The following TGFBR3 variants were observed in gnomAD, a reference collection of about 807,000 sequenced individuals.
The protein encoded by TGFBR3 is transforming growth factor beta receptor 3.
TGFBR3 carries 46 observed loss-of-function variants against 87.9 expected under a neutral mutation model. The ratio of observed to expected loss-of-function variants is 0.52; its 90% confidence interval spans 0.41 to 0.67. TGFBR3 has a LOEUF of 0.67. Ranked by LOEUF, TGFBR3 falls within the 30% of genes least tolerant of loss-of-function variation. The probability of loss-of-function intolerance (pLI) is 0.00; values close to 1 mark genes in which losing one functional copy is unlikely to be tolerated. For synonymous variants in TGFBR3, 381 were observed against 391.6 expected (o/e 0.97, Z 0.32); for missense variants, 866 against 1,041.9 (o/e 0.83, Z 2.32).
At chr1:91,883,912 TTAA>T (rs1194755741) in intron 1 of TGFBR3, among the ~76,000 whole-genome samples, 1 of 152,138 alleles carries the variant, frequency 6.6e-6, no homozygotes, top group African/African-American at 2.4e-5. Context: ...TTAATAGCCC[TTAA>T]GGGGGTAAGA....
rs78514752 is a variant in TGFBR3 at position 91,692,057 on chromosome 1, G to T, written c.2437+3615C>A. Among the ~76,000 whole-genome samples, 177 of 152,176 alleles carry T rather than the reference G, an allele frequency of 1.2e-3. 3 individuals carry two copies. The East Asian group carries it at 0.033, about 28-fold the overall frequency. ...AAGCTAATGGGGTAGGGTGGGGAAAGATAATAATTAATTCTAGGGAAAATT... is the reference window on the plus strand; with the variant it reads ...AAGCTAATGGGGTAGGGTGGGGAAATATAATAATTAATTCTAGGGAAAATT... On this transcript the variant is annotated intron_variant, in intron 16 of 16. Coordinates refer to ENST00000212355, the MANE Select transcript of TGFBR3 (RefSeq NM_003243.5).
At chr1:91,793,190 T>C (rs1217272548) in intron 3 of TGFBR3, among the ~76,000 whole-genome samples, 7 of 148,534 alleles carry the variant, frequency 4.7e-5, no homozygotes, top group Non-Finnish European at 9.0e-5. Flanking sequence ...GTAGGCTCTG[T>C]CACCGCCTCT....
chr1:91,817,766 T>G (rs1676286538), intron 2 of TGFBR3, among the ~76,000 whole-genome samples: 3 of 152,020 alleles, frequency 2.0e-5, no homozygotes, highest in Admixed American at 2.0e-4. Flanking sequence ...CTGTGCTTTC[T>G]GGAATAAGGC....
At chr1:91,900,724 C>T (rs1679695189) in intron 1 of TGFBR3, among the ~76,000 whole-genome samples, 1 of 152,208 alleles carries the variant, frequency 6.6e-6, no homozygotes, top group South Asian at 2.1e-4. Context: ...AACATTAATA[C>T]TCTCTGGAAA....
chr1:91,841,793 CAAAAAA>C (rs57953815), intron 2 of TGFBR3, among the ~76,000 whole-genome samples: 1 of 88,824 alleles, frequency 1.1e-5, no homozygotes, highest in Non-Finnish European at 2.2e-5. Flanking sequence ...GACTCCATCT[CAAAAAA>C]AAAAAAAAAA....
chr1:91,758,862 T>C (rs1673846903), intron 3 of TGFBR3, 112 bp from the exon 4 acceptor site: 1 of 1,284,588 alleles, frequency 7.8e-7, no homozygotes. Flanking sequence ...AGAAACAAGC[T>C]ATAATGTAGC....
chr1:91,732,611 A>G (rs1385855942), intron 5 of TGFBR3, among the ~76,000 whole-genome samples: 4 of 152,162 alleles, frequency 2.6e-5, no homozygotes, highest in East Asian at 3.9e-4. Flanking sequence ...GGTGATAAAC[A>G]TATCACTTTA....
rs556999231 is a variant in TGFBR3, at chr1:91,773,807, T to A, written c.247-15057A>T. 2.0e-5 allele frequency among the ~76,000 whole-genome samples: 3 copies of A among 152,244 alleles called. No individual in the cohort carries two copies. In the South Asian group the frequency reaches 6.2e-4, roughly 31 times the overall value. On this transcript the variant is annotated intron_variant, in intron 3 of 16. Transcript: ENST00000212355. Reference sequence around the variant, plus strand: ...TGTACTCAATTAAAAGGAACAATTTTAAAAAGTTTAGTTTAGCCTGCCAAA... The same window carrying A: ...TGTACTCAATTAAAAGGAACAATTTAAAAAAGTTTAGTTTAGCCTGCCAAA...
chr1:91,829,754 TG>T (rs1676784960), intron 2 of TGFBR3: 1 of 151,612 alleles, frequency 6.6e-6, no homozygotes, highest in South Asian at 2.1e-4. Flanking sequence ...GGTTTTTTTT[TG>T]TTTTGTTTTG....
chr1:91,847,144 A>T (rs567070884), intron 2 of TGFBR3, among the ~76,000 whole-genome samples: 4 of 152,344 alleles, frequency 2.6e-5, no homozygotes, highest in African/African-American at 9.6e-5. Flanking sequence ...AAGTTAGTTT[A>T]AAACACAACT....
At chr1:91,734,995 A>G (rs1436709576) in intron 4 of TGFBR3, 36 bp from the exon 5 acceptor site, 8 of 1,610,564 alleles carry the variant, frequency 5.0e-6, no homozygotes, top group Middle Eastern at 1.7e-4. Flanking sequence ...AACATGGTGC[A>G]GTCACCGGAG....
intron 2 of TGFBR3, among the ~76,000 whole-genome samples, chr1:91,843,354 T>C (rs777232201): frequency 1.8e-4 from 27 of 152,136 alleles, no homozygotes; most frequent in Non-Finnish European, 3.4e-4. Flanking sequence ...CATGTGAGGA[T>C]ACAATGAAAA....
intron 2 of TGFBR3, chr1:91,800,909 C>G (rs1188145411): frequency 5.0e-6 from 1 of 199,412 alleles, no homozygotes; most frequent in South Asian, 6.7e-5. Flanking sequence ...ACATGGTAAA[C>G]CCCGTGTCTA....
chr1:91,728,739 C>A (rs375630368), intron 6 of TGFBR3, among the ~76,000 whole-genome samples: 1 of 152,156 alleles, frequency 6.6e-6, no homozygotes, highest in Non-Finnish European at 1.5e-5. Context: ...GTAGCTTACA[C>A]GCTTTGAAAG....
At chr1:91,742,731 G>A (rs1673197575) in intron 4 of TGFBR3, among the ~76,000 whole-genome samples, 1 of 152,170 alleles carries the variant, frequency 6.6e-6, no homozygotes, top group African/African-American at 2.4e-5. Context: ...GGGGAACCAT[G>A]AAGCACTTTA....
At chr1:91,887,560 C>G (rs1679360702), upstream of TGFBR3, among the ~76,000 whole-genome samples, 1 of 152,110 alleles carries the variant, frequency 6.6e-6, no homozygotes, top group South Asian at 2.1e-4. Context: ...GCCGCTGCAC[C>G]TGGCTCAATC....
At chr1:91,741,886 G>A (rs1216256010) in intron 4 of TGFBR3, among the ~76,000 whole-genome samples, 1 of 152,006 alleles carries the variant, frequency 6.6e-6, no homozygotes, top group Non-Finnish European at 1.5e-5. Context: ...CTGTCACCTG[G>A]GTAATCCTTC....
chr1:91,868,611 CA>C (rs1404996836), intron 1 of TGFBR3, among the ~76,000 whole-genome samples: 1 of 152,162 alleles, frequency 6.6e-6, no homozygotes, highest in African/African-American at 2.4e-5. Flanking sequence ...CTTGGTCTGG[CA>C]CTGCCACCAA....
chr1:91,886,174 G>A (rs549879810), upstream of TGFBR3: 827 of 453,894 alleles, frequency 1.8e-3, no homozygotes, highest in Non-Finnish European at 2.9e-3. Flanking sequence ...CCGACCCGGC[G>A]CACTCGCCCT....
Sources: allele counts gnomAD v4.1 joint callset (sites outside exome capture counted in the v4.1 genomes callset), GRCh38; gene constraint gnomAD v4.1.1; transcripts MANE v1.5; gene names NCBI Gene and HGNC (gene_info 2026-07-23, HGNC 2026-07-21).